CALD1: variants seen among roughly 807,000 people sequenced by gnomAD.
The protein encoded by CALD1 is caldesmon 1, also known as caldesmon.
CALD1 carries 33 observed loss-of-function variants against 99.9 expected under a neutral mutation model. That is an observed-to-expected ratio of 0.33 (90% confidence interval 0.25 to 0.44). The LOEUF (loss-of-function observed/expected upper bound fraction) is 0.44. Ranked by LOEUF, CALD1 falls within the 20% of genes least tolerant of loss-of-function variation. The pLI, the probability that CALD1 is intolerant of heterozygous loss-of-function variation, is 1.00. For missense variants in CALD1, 861 were observed against 962.1 expected (o/e 0.89, Z 1.39); for synonymous variants, 310 against 325.0 (o/e 0.95, Z 0.50).
chr7:134,965,331 G>A lies in CALD1; in HGVS notation c.2321G>A (p.Ser774Asn), dbSNP rs1222091307. Residue 774 changes from serine to asparagine, a missense_variant, in exon 14 of 15, where the codon AGC becomes AAC. Ser to Asn is a conservative substitution (Grantham distance 46). Around this residue, in one of 5 missense-constraint regions of CALD1, gnomAD observed 190 missense variants for 249.0 expected, o/e 0.76. Coordinates refer to ENST00000361675, the MANE Select transcript of CALD1 (RefSeq NM_033138.4). ...GACTTGAGACCAGGAGACGTATCCA[G>A]CAAGCGGAACCTCTGGGAAAAGCAA... ...PSDLRPGDVS[S>N]KRNLWEKQSV... is the part of the protein sequence containing the mutation. 7 of 1,593,344 alleles carry A rather than the reference G, an allele frequency of 4.4e-6. No homozygotes were observed. Among genetic ancestry groups the A allele is most frequent in the Non-Finnish European group, 6.0e-6 (7 of 1,161,244 alleles).
upstream of CALD1, among the ~76,000 whole-genome samples, chr7:134,777,288 A>G (rs1422197972): frequency 6.6e-6 from 1 of 152,206 alleles, no homozygotes; most frequent in Non-Finnish European, 1.5e-5. Flanking sequence ...TAGTTCCTCC[A>G]TGATAAGTGT....
At chr7:134,952,674 T>C (rs1807448006) in intron 9 of CALD1, among the ~76,000 whole-genome samples, 1 of 152,070 alleles carries the variant, frequency 6.6e-6, no homozygotes, top group Non-Finnish European at 1.5e-5. Flanking sequence ...TTTCACCATA[T>C]TGGCCAGGCT....
intron 1 of CALD1, among the ~76,000 whole-genome samples, chr7:134,749,361 T>A (rs1038850004): frequency 3.3e-5 from 5 of 152,214 alleles, no homozygotes; most frequent in Non-Finnish European, 5.9e-5. Context: ...GGCTCACGCC[T>A]GTAATTCCAG....
intron 2 of CALD1, among the ~76,000 whole-genome samples, chr7:134,848,393 T>C (rs1799941353): frequency 1.3e-5 from 2 of 152,206 alleles, no homozygotes; most frequent in Non-Finnish European, 2.9e-5. Flanking sequence ...GAGCTGTGAT[T>C]TCAGGATGCT....
intron 2 of CALD1, among the ~76,000 whole-genome samples, chr7:134,847,609 A>T (rs926923914): frequency 7.2e-5 from 11 of 152,180 alleles, no homozygotes; most frequent in Admixed American, 3.3e-4. Flanking sequence ...CTCCATAGTA[A>T]AGAGGGTAGA....
At position 134,933,011 on chromosome 7, in the gene CALD1, C is replaced by A; in HGVS notation, c.242C>A (p.Thr81Lys). ...AGTGTGCCTGACGAGGAGGCCAAGA[C>A]AACCACCACAAACACTCAAGTGGAA... ...QNSVPDEEAK[T>K]TTTNTQVEGD... The change falls in exon 5 of 15, where the codon ACA becomes AAA. Residue 81 changes from threonine to lysine, a missense_variant. By Grantham distance (78) the Thr-to-Lys change is moderately conservative (BLOSUM62 -1). Transcript: ENST00000361675. The A allele has an allele frequency of 6.2e-7, 1 of 1,610,364 alleles. No homozygotes were observed. Among genetic ancestry groups the A allele is most frequent in the Non-Finnish European group, 8.5e-7 (1 of 1,178,374 alleles).
At chr7:134,882,642 T>G (rs904136356) in intron 3 of CALD1, among the ~76,000 whole-genome samples, 2 of 152,010 alleles carry the variant, frequency 1.3e-5, no homozygotes, top group African/African-American at 4.8e-5. Context: ...TCAGGAGGAG[T>G]AAAGTATCCA....
rs993501170 is a variant in CALD1 at position 134,855,904 on chromosome 7, G to A, written c.-41-11789G>A. 4.6e-5 allele frequency among the ~76,000 whole-genome samples: 7 copies of A among 152,190 alleles called. No homozygotes were observed. The East Asian group carries it at 9.6e-4, about 21-fold the overall frequency. On this transcript the variant is annotated intron_variant, in intron 2 of 14. Transcript: ENST00000361675. ...TAATTTGACAAGCTAGGTAACTGTC[G>A]AGTTGAAGTCCTTGATTACAAGTAT... is the stretch of plus-strand genomic sequence containing the variant.
chr7:134,741,548 C>T (rs1270917519), upstream of CALD1, among the ~76,000 whole-genome samples: 1 of 152,060 alleles, frequency 6.6e-6, no homozygotes, highest in Admixed American at 6.6e-5. Context: ...TCAATTAACA[C>T]ATAAAAACAA....
chr7:134,938,737 A>C lies in CALD1; in HGVS notation c.1387-2355A>C, dbSNP rs1296149704. On this transcript the variant is annotated intron_variant, in intron 6 of 14. Coordinates refer to ENST00000361675, the MANE Select transcript of CALD1 (RefSeq NM_033138.4). The stretch of plus-strand genomic sequence containing the variant: ...GTTGAACTCAAATCGTCATTATTAC[A>C]TTGACAAGGTTTCTAAGGTTTTCCA... Among the ~76,000 whole-genome samples, 5 of 152,212 alleles carry C rather than the reference A, an allele frequency of 3.3e-5. No homozygotes were observed. In the East Asian group the frequency reaches 9.6e-4, roughly 29 times the overall value.
intron 3 of CALD1, among the ~76,000 whole-genome samples, chr7:134,875,629 GCT>G (rs1299698834): frequency 1.3e-5 from 2 of 152,182 alleles, no homozygotes; most frequent in Non-Finnish European, 2.9e-5. Flanking sequence ...AAGAGCGAAT[GCT>G]TTGCTCACCC....
In CALD1 at chr7:134,941,083, G is replaced by C; in HGVS notation, c.1387-9G>C. ...GTTCTGTTTCTTCCTGATATGTACTGTTGGTTAGATCAAAGATGAAAAGAT... is the reference window on the plus strand; with the variant it reads ...GTTCTGTTTCTTCCTGATATGTACTCTTGGTTAGATCAAAGATGAAAAGAT... On this transcript the variant is annotated splice_polypyrimidine_tract_variant and intron_variant, in intron 6 of 14. Transcript: ENST00000361675. The C allele has an allele frequency of 1.2e-6, 2 of 1,603,334 alleles. No homozygotes were observed. Among genetic ancestry groups the C allele is most frequent in the Non-Finnish European group, 1.7e-6 (2 of 1,176,304 alleles).
At chr7:134,908,744 T>C (rs1242978871) in intron 3 of CALD1, among the ~76,000 whole-genome samples, 1 of 152,172 alleles carries the variant, frequency 6.6e-6, no homozygotes, top group African/African-American at 2.4e-5. Context: ...GCATCCTCTA[T>C]TGGATCATCT....
chr7:134,911,198 C>CTT (rs964515625), intron 3 of CALD1, among the ~76,000 whole-genome samples: 22 of 118,114 alleles, frequency 1.9e-4, no homozygotes, highest in Admixed American at 5.2e-4. Context: ...TTTCCTTTTT[C>CTT]TTTTTTTTTT....
intron 1 of CALD1, among the ~76,000 whole-genome samples, chr7:134,821,367 T>G (rs1004303009): frequency 1.3e-5 from 2 of 152,182 alleles, no homozygotes; most frequent in Non-Finnish European, 2.9e-5. Flanking sequence ...TCATTGAAGC[T>G]GTTTCTCTTT....
At chr7:134,941,490 C>T (rs1352750630) in intron 7 of CALD1, among the ~76,000 whole-genome samples, 1 of 152,160 alleles carries the variant, frequency 6.6e-6, no homozygotes, top group Admixed American at 6.5e-5. Flanking sequence ...AAAGGCAGAT[C>T]ATGCTTGGCA....
chr7:134,933,118 C>A lies in CALD1; in HGVS notation c.349C>A (p.Arg117=). Residue 117 remains arginine, a synonymous_variant, in exon 5 of 15, where the codon CGG becomes AGG. Transcript: ENST00000361675. The part of the protein sequence containing the change: ...RQKRLQEALE[R]QKEFDPTITD... ...AAAACGCCTTCAGGAGGCTCTGGAG[C>A]GGCAGAAGGAGTTCGACCCAACAAT... 2 of 1,613,666 alleles carry A rather than the reference C, an allele frequency of 1.2e-6. No homozygotes were observed. Among genetic ancestry groups the A allele is most frequent in the Non-Finnish European group, 1.7e-6 (2 of 1,179,922 alleles).
At chr7:134,939,130 C>A (rs1011684382) in intron 6 of CALD1, among the ~76,000 whole-genome samples, 1 of 152,142 alleles carries the variant, frequency 6.6e-6, no homozygotes, top group Non-Finnish European at 1.5e-5. Flanking sequence ...AACAATAGGC[C>A]AAAATGAGAA....
intron 9 of CALD1, among the ~76,000 whole-genome samples, chr7:134,955,674 C>T (rs1807706702): frequency 6.6e-6 from 1 of 152,196 alleles, no homozygotes; most frequent in African/African-American, 2.4e-5. Context: ...GGTTCCACCG[C>T]TCTGATCTCA....
Sources: gnomAD v4.1 joint callset for allele counts (sites outside exome capture counted in the v4.1 genomes callset) on GRCh38, gnomAD v4.1.1 for gene constraint, gnomAD v4.1.1 regional missense constraint, MANE v1.5 for transcripts, NCBI Gene and HGNC (gene_info 2026-07-23, HGNC 2026-07-21) for gene names.